FIGLA: variants seen among roughly 807,000 people sequenced by gnomAD.
FIGLA encodes folliculogenesis specific bHLH transcription factor, also known as factor in the germline alpha.
In FIGLA, 17 loss-of-function variants were observed where a neutral mutation model predicts 21.5. That is an observed-to-expected ratio of 0.79 (90% CI 0.54 to 1.19). The LOEUF (loss-of-function observed/expected upper bound fraction) is 1.19. Ranked by LOEUF, FIGLA falls within the 50% of genes most tolerant of loss-of-function variation. The pLI is 0.00. For missense variants in FIGLA, 282 were observed against 285.0 expected (o/e 0.99, Z 0.08); for synonymous variants, 129 against 117.6 (o/e 1.10, Z -0.63).
intron 3 of FIGLA, among the ~76,000 whole-genome samples, chr2:70,781,537 C>T (rs1675856258): frequency 6.6e-6 from 1 of 152,090 alleles, no homozygotes; most frequent in South Asian, 2.1e-4. Flanking sequence ...TGTATAAAAA[C>T]AACCAAAATG....
At position 70,790,461 on chromosome 2, in the gene FIGLA, G is replaced by A. The variant is rs544015252; in HGVS notation, c.178C>T (p.Leu60Phe). Residue 60 changes from leucine to phenylalanine, a missense_variant, in exon 1 of 5, where the codon CTC (leucine) becomes TTC (phenylalanine). By Grantham distance (22) the Leu-to-Phe change is conservative. Coordinates refer to ENST00000332372, the MANE Select transcript of FIGLA (RefSeq NM_001004311.3). ...PSGGYSSTEN[L>F]QLVLERRRVA... ...CGCCGCCGCTCCAGCACCAACTGGAGGTTTTCAGTGGACGAGTAGCCGCCC... is the reference window on the plus strand; with the variant it reads ...CGCCGCCGCTCCAGCACCAACTGGAAGTTTTCAGTGGACGAGTAGCCGCCC... 6.5e-7 allele frequency: 1 copy of A among 1,545,228 alleles called. No individual in the cohort carries two copies. The highest frequency in any genetic ancestry group is 1.2e-5 in the South Asian group (1 of 83,764).
At chr2:70,782,737 T>C (rs1675877624) in intron 3 of FIGLA, among the ~76,000 whole-genome samples, 1 of 152,236 alleles carries the variant, frequency 6.6e-6, no homozygotes. Flanking sequence ...GCAACCTTTC[T>C]ATAAGTTGAC....
At chr2:70,790,105 G>C (rs1676033058) in intron 1 of FIGLA, among the ~76,000 whole-genome samples, 1 of 152,192 alleles carries the variant, frequency 6.6e-6, no homozygotes, top group African/African-American at 2.4e-5. Context: ...CCTGCCCAGG[G>C]AGACATTTTT....
At chr2:70,789,807 C>G (rs1247538571) in intron 1 of FIGLA, among the ~76,000 whole-genome samples, 4 of 152,186 alleles carry the variant, frequency 2.6e-5, no homozygotes, top group Non-Finnish European at 4.4e-5. Flanking sequence ...CCCACAGGAC[C>G]CTTCCCGTTT....
In FIGLA at chr2:70,790,556, T is replaced by G; in HGVS notation, c.83A>C (p.Asp28Ala). The part of the protein sequence containing the change: ...LGTPQAEVLE[D>A]VLREQFGPLP... Reference sequence around the variant, plus strand: ...CGGCCCGAACTGCTCCCGCAACACGTCCTCCAGCACCTCGGCTTGCGGGGT... The same window carrying G: ...CGGCCCGAACTGCTCCCGCAACACGGCCTCCAGCACCTCGGCTTGCGGGGT... Residue 28 changes from aspartate to alanine, a missense_variant, in exon 1 of 5, where the codon GAC (aspartate) becomes GCC (alanine). Transcript: ENST00000332372. The G allele has an allele frequency of 6.5e-7, 1 of 1,530,586 alleles. No homozygotes were observed. Among genetic ancestry groups the G allele is most frequent in the Non-Finnish European group, 8.7e-7 (1 of 1,143,894 alleles). The allele number at this position is 1,530,586 out of a possible 1,614,324, so 94.8% of individuals were successfully genotyped here. A position where few individuals can be genotyped will look rare whatever the true frequency, so the allele number is the denominator to read the frequency against.
chr2:70,782,838 G>C (rs1553389303), intron 3 of FIGLA, among the ~76,000 whole-genome samples: 1 of 152,150 alleles, frequency 6.6e-6, no homozygotes, highest in Non-Finnish European at 1.5e-5. Context: ...GGAGGCTGAG[G>C]TGGGCAGATC....
intron 1 of FIGLA, among the ~76,000 whole-genome samples, chr2:70,788,157 AGAGT>A (rs1553390321): frequency 6.6e-6 from 1 of 152,358 alleles, no homozygotes; most frequent in Non-Finnish European, 1.5e-5. Context: ...ATCATTTACA[AGAGT>A]GTGTGGAATA....
intron 1 of FIGLA, among the ~76,000 whole-genome samples, chr2:70,788,229 T>C (rs1321812704): frequency 6.6e-6 from 1 of 152,106 alleles, no homozygotes; most frequent in Non-Finnish European, 1.5e-5. Flanking sequence ...TTAAAGCTTT[T>C]TGGGGGGTGT....
chr2:70,784,966 A>G (rs1011478600), intron 3 of FIGLA, among the ~76,000 whole-genome samples: 7 of 150,580 alleles, frequency 4.6e-5, no homozygotes, highest in African/African-American at 1.7e-4. Context: ...AAAAAGTATC[A>G]CCAAACATGC....
intron 3 of FIGLA, among the ~76,000 whole-genome samples, chr2:70,778,924 G>T (rs1188328689): frequency 6.6e-6 from 1 of 152,182 alleles, no homozygotes; most frequent in Non-Finnish European, 1.5e-5. Context: ...GCTTGGTGAG[G>T]GAGATGGGGT....
In FIGLA at chr2:70,785,568, C is replaced by T. The variant is rs1553389845; in HGVS notation, c.456G>A (p.Leu152=). The change falls in exon 3 of 5, where the codon CTG becomes CTA. Residue 152 remains leucine (L), a synonymous_variant. Transcript: ENST00000332372. ...SESHTSSARQ[L]SRNITQHISC... ...TGATATGTTGGGTGATGTTTCTTGA[C>T]AGCTGTCTTGCCGAGGATGTATGTG... The T allele has an allele frequency of 6.2e-7, 1 of 1,614,022 alleles. No individual in the cohort carries two copies. Among genetic ancestry groups the T allele is most frequent in the South Asian group, 1.1e-5 (1 of 91,082 alleles).
At chr2:70,779,372 A>C (rs781954214) in intron 3 of FIGLA, among the ~76,000 whole-genome samples, 1 of 152,158 alleles carries the variant, frequency 6.6e-6, no homozygotes, top group Non-Finnish European at 1.5e-5. Flanking sequence ...GAGACCCATC[A>C]CTTACTGTGG....
intron 1 of FIGLA, among the ~76,000 whole-genome samples, chr2:70,788,160 G>A (rs970389417): frequency 6.6e-6 from 1 of 152,210 alleles, no homozygotes; most frequent in Non-Finnish European, 1.5e-5. Context: ...ATTTACAAGA[G>A]TGTGTGGAAT....
chr2:70,783,280 G>A (rs1473031900), intron 3 of FIGLA, among the ~76,000 whole-genome samples: 2 of 152,040 alleles, frequency 1.3e-5, no homozygotes, highest in African/African-American at 4.8e-5. Context: ...CAACAAACTT[G>A]GTTGGCTAAA....
intron 3 of FIGLA, among the ~76,000 whole-genome samples, chr2:70,783,649 G>A (rs1366618193): frequency 1.3e-5 from 2 of 151,962 alleles, no homozygotes; most frequent in African/African-American, 4.8e-5. Flanking sequence ...ACTAGCATTT[G>A]CAGAAGCATT....
intron 3 of FIGLA, among the ~76,000 whole-genome samples, chr2:70,782,692 A>G (rs782144972): frequency 1.3e-5 from 2 of 152,240 alleles, no homozygotes; most frequent in Non-Finnish European, 2.9e-5. Context: ...TTGACCCTCA[A>G]ATGTGCCAGG....
At chr2:70,779,541 C>T (rs1018691521) in intron 3 of FIGLA, among the ~76,000 whole-genome samples, 1 of 152,138 alleles carries the variant, frequency 6.6e-6, no homozygotes, top group Admixed American at 6.5e-5. Context: ...AGAAATGTCC[C>T]CAGTGAGTAA....
At chr2:70,783,851 G>A (rs1479999138) in intron 3 of FIGLA, among the ~76,000 whole-genome samples, 2 of 151,944 alleles carry the variant, frequency 1.3e-5, no homozygotes, top group Non-Finnish European at 2.9e-5. Context: ...ACAGGTGCCC[G>A]CCACCACGCC....
intron 3 of FIGLA, among the ~76,000 whole-genome samples, chr2:70,781,111 G>A (rs887876345): frequency 6.6e-6 from 1 of 152,212 alleles, no homozygotes; most frequent in Non-Finnish European, 1.5e-5. Flanking sequence ...AGAGCAGGGA[G>A]AGGAGGAATC....
Sources: gnomAD v4.1 joint callset for allele counts (sites outside exome capture counted in the v4.1 genomes callset) on GRCh38, gnomAD v4.1.1 for gene constraint, MANE v1.5 for transcripts, NCBI Gene and HGNC (gene_info 2026-07-23, HGNC 2026-07-21) for gene names.